The following ATP2A2 variants were observed in gnomAD, a reference collection of about 807,000 sequenced individuals.
ATP2A2 encodes the protein sarcoplasmic/endoplasmic reticulum calcium ATPase 2.
In ATP2A2, 14 loss-of-function variants were observed where a neutral mutation model predicts 109.3. That is an observed-to-expected ratio of 0.13 (90% CI 0.08 to 0.20). The LOEUF (loss-of-function observed/expected upper bound fraction) is 0.20, where lower values mean the gene tolerates loss of function less well. Among genes scored for constraint, ATP2A2 ranks in the 10% least tolerant of loss-of-function variants. The probability of loss-of-function intolerance (pLI) is 1.00; values close to 1 mark genes in which losing one functional copy is unlikely to be tolerated. For missense variants in ATP2A2, 657 were observed against 1,321.6 expected, an observed-to-expected ratio of 0.50 and a Z score of 7.80; for synonymous variants, 506 against 490.9, an observed-to-expected ratio of 1.03 and a Z score of -0.41.
At chr12:110,298,762 A>G (rs1400768983) in intron 5 of ATP2A2, among the ~76,000 whole-genome samples, 5 of 152,150 alleles carry the variant, frequency 3.3e-5, no homozygotes, top group Non-Finnish European at 7.4e-5. Context: ...TTATACTATC[A>G]CAGATGTATT....
chr12:110,333,827 A>G (rs1878572770), intron 10 of ATP2A2, among the ~76,000 whole-genome samples, 185 bp from the exon 11 acceptor site: 1 of 152,232 alleles, frequency 6.6e-6, no homozygotes, highest in South Asian at 2.1e-4. Context: ...ATAAGATCAC[A>G]TGCACACCTG....
chr12:110,331,898 A>T (rs1017345390), intron 8 of ATP2A2: 1 of 152,236 alleles, frequency 6.6e-6, no homozygotes, highest in Non-Finnish European at 1.5e-5. Context: ...AATTATCTTT[A>T]AGAAAATAGC....
At chr12:110,307,969 G>T (rs1875566190) in intron 5 of ATP2A2, among the ~76,000 whole-genome samples, 2 of 152,180 alleles carry the variant, frequency 1.3e-5, no homozygotes, top group Non-Finnish European at 2.9e-5. Context: ...GATATTTACA[G>T]TTTGAGGCCT....
rs1223602568 is a variant in ATP2A2 at position 110,339,732 on chromosome 12, G to T, written c.1761+11G>T. 6.2e-7 allele frequency: 1 copy of T among 1,613,078 alleles called. No individual in the cohort carries two copies. The highest frequency in any genetic ancestry group is 1.7e-5 in the Admixed American group (1 of 60,022). ...TTTATTAAATATGAGGTTAGCTAAT[G>T]AAAAGTTTCTTTGTCCACACCCTGC... is the stretch of plus-strand genomic sequence containing the variant. On this transcript the variant is annotated intron_variant, in intron 13 of 19. Transcript: ENST00000539276. This position sits in a 1 kb window ranked among gnomAD's most constrained non-coding sequence, Gnocchi z 4.4.
chr12:110,337,232 G>C (rs1878918084), intron 11 of ATP2A2, among the ~76,000 whole-genome samples: 1 of 152,162 alleles, frequency 6.6e-6, no homozygotes, highest in Admixed American at 6.5e-5. Context: ...TCCCACTTGA[G>C]ACAGCAGGAA....
Position 110,342,579 on chromosome 12 carries a change from G to C in ATP2A2, c.2318+131G>C. On this transcript the variant is annotated intron_variant, in intron 15 of 19. Coordinates refer to ENST00000539276, the MANE Select transcript of ATP2A2 (RefSeq NM_170665.4). The surrounding 1 kb of genome is among the most constrained non-coding windows in gnomAD (Gnocchi z 4.6). ...TGCCTGAGTTGGAAGAGGGGAGTGGGCAAGACAGAAATGCCTTATGGAAGC... is the reference window on the plus strand; with the variant it reads ...TGCCTGAGTTGGAAGAGGGGAGTGGCCAAGACAGAAATGCCTTATGGAAGC... 9.0e-7 allele frequency: 1 copy of C among 1,111,640 alleles called. No individual in the cohort carries two copies. Among genetic ancestry groups the C allele is most frequent in the East Asian group, 2.6e-5 (1 of 38,840 alleles). 68.9% of individuals were successfully genotyped at this position (1,111,640 alleles called of 1,614,324 possible). A position where few individuals can be genotyped will look rare whatever the true frequency, so the allele number is the denominator to read the frequency against.
intron 8 of ATP2A2, chr12:110,332,327 T>C (rs916662512): frequency 2.2e-6 from 1 of 454,352 alleles, no homozygotes; most frequent in Non-Finnish European, 4.0e-6. Context: ...GTGCCACTGC[T>C]GCTCATTCAT....
Position 110,339,428 on chromosome 12 carries a change from G to A in ATP2A2, c.1542+25G>A, listed in dbSNP as rs374536914. ...GGCAAGTATGGCAGATTGCAATTGA[G>A]ATGTTCTTGCCAGGGTTAAGATCCC... On this transcript the variant is annotated intron_variant, in intron 12 of 19. Coordinates refer to ENST00000539276, the MANE Select transcript of ATP2A2 (RefSeq NM_170665.4). The surrounding 1 kb of genome is among the most constrained non-coding windows in gnomAD (Gnocchi z 4.4). 1 of 1,614,190 alleles carries A rather than the reference G, an allele frequency of 6.2e-7. No individual in the cohort carries two copies. The highest frequency in any genetic ancestry group is 1.1e-5 in the South Asian group (1 of 91,040).
chr12:110,345,092 G>T, intron 17 of ATP2A2, 121 bp downstream of exon 17: 1 of 1,493,582 alleles, frequency 6.7e-7, no homozygotes. Context: ...TTACATCTAA[G>T]ATGATTCTGA....
rs372206452 is a variant in ATP2A2 at position 110,346,509 on chromosome 12, A to G, written c.*39A>G. 2 of 1,612,766 alleles carry G rather than the reference A, an allele frequency of 1.2e-6. No individual in the cohort carries two copies. Among genetic ancestry groups the G allele is most frequent in the Non-Finnish European group, 1.7e-6 (2 of 1,179,456 alleles). On this transcript the variant is annotated 3_prime_UTR_variant, in exon 20 of 20. Transcript: ENST00000539276. The stretch of plus-strand genomic sequence containing the variant: ...ATAAAGAAGATGTTTAACTTAATCA[A>G]TTAATTTTTTTATTGTTTAAAGCAA...
At position 110,282,718 on chromosome 12, in the gene ATP2A2, A is replaced by T. The variant is rs1826756083; in HGVS notation, c.142A>T (p.Thr48Ser). The change falls in exon 3 of 20, where the codon ACC becomes TCC. Residue 48 changes from threonine to serine, a missense_variant. Thr to Ser is a moderately conservative substitution (Grantham distance 58, BLOSUM62 1). This residue lies in a region of ATP2A2 where 64 missense variants were observed against 65.4 expected (regional missense o/e 0.98). Coordinates refer to ENST00000539276, the MANE Select transcript of ATP2A2 (RefSeq NM_170665.4). ...CATGTGTTTGTTTCTTACAGGAAAA[A>T]CCTTGCTGGAACTTGTGATTGAGCA... ...SNELPAEEGK[T>S]LLELVIEQFE... 2.5e-6 allele frequency: 4 copies of T among 1,613,878 alleles called. No homozygotes were observed. The South Asian group carries it at 4.4e-5, about 18-fold the overall frequency.
At chr12:110,331,943 C>T (rs1307771341) in intron 8 of ATP2A2, 1 of 152,174 alleles carries the variant, frequency 6.6e-6, no homozygotes, top group East Asian at 1.9e-4. Flanking sequence ...TAATCCTTTC[C>T]TAAGCATGCT....
chr12:110,343,185 A>G lies in ATP2A2; in HGVS notation c.2319-47A>G, dbSNP rs1343816220. The G allele has an allele frequency of 2.5e-6, 4 of 1,590,900 alleles. No individual in the cohort carries two copies. The Admixed American group carries it at 5.0e-5, about 20-fold the overall frequency. ...TGATGATGCTCTTTAAATAGTGGCC[A>G]GAAGTCATTTGGGCTCTCTTTGTCT... On this transcript the variant is annotated intron_variant, in intron 15 of 19. Transcript: ENST00000539276.
Position 110,346,534 on chromosome 12 carries a change from ACTGT to A in ATP2A2, c.*67_*70del, listed in dbSNP as rs760754542. ...ATTAATTTTTTTATTGTTTAAAGCA[ACTGT>A]CTATTTCTGCTGAATTTTCACATGA... On this transcript the variant is annotated 3_prime_UTR_variant, in exon 20 of 20. Transcript: ENST00000539276. 5.1e-5 allele frequency: 81 copies of A among 1,598,632 alleles called. No homozygotes were observed. Among genetic ancestry groups the A allele is most frequent in the Middle Eastern group, 4.9e-4 (3 of 6,068 alleles).
chr12:110,332,784 G>C (rs1289988107), intron 9 of ATP2A2, 99 bp downstream of exon 9: 18 of 1,094,654 alleles, frequency 1.6e-5, no homozygotes, highest in Non-Finnish European at 2.3e-5. Context: ...CTTTCTGAAT[G>C]TGGCTCAAGT....
chr12:110,295,574 T>C (rs1873880151), intron 4 of ATP2A2, among the ~76,000 whole-genome samples: 1 of 152,334 alleles, frequency 6.6e-6, no homozygotes, highest in East Asian at 1.9e-4. Context: ...ATGTCTGATA[T>C]GAGATTGAAA....
At chr12:110,307,852 C>G (rs1875552079) in intron 5 of ATP2A2, among the ~76,000 whole-genome samples, 1 of 152,168 alleles carries the variant, frequency 6.6e-6, no homozygotes, top group Non-Finnish European at 1.5e-5. Context: ...TTTCGTTTAA[C>G]TAGGTCCCAA....
chr12:110,299,863 A>G, intron 5 of ATP2A2, among the ~76,000 whole-genome samples: 1 of 152,138 alleles, frequency 6.6e-6, no homozygotes, highest in Non-Finnish European at 1.5e-5. Flanking sequence ...GGGCTCAGGC[A>G]GTCCTGCCTC....
Position 110,303,254 on chromosome 12 carries a change from C to T in ATP2A2, c.463+6517C>T, listed in dbSNP as rs1317928741. The stretch of plus-strand genomic sequence containing the variant: ...TATTATAATATTATACAGACAGAGT[C>T]TTGTTCTGTCACCCAGGCTCTAGTG... On this transcript the variant is annotated intron_variant, in intron 5 of 19. Coordinates refer to ENST00000539276, the MANE Select transcript of ATP2A2 (RefSeq NM_170665.4). Among the ~76,000 whole-genome samples the T allele has an allele frequency of 3.3e-5, 5 of 152,128 alleles. No homozygotes were observed. The East Asian group carries it at 9.6e-4, about 29-fold the overall frequency.
Sources: allele counts gnomAD v4.1 joint callset (sites outside exome capture counted in the v4.1 genomes callset), GRCh38; gene constraint gnomAD v4.1.1; regional missense constraint gnomAD v4.1.1; non-coding constraint Gnocchi (gnomAD v3.1); transcripts MANE v1.5; gene names NCBI Gene and HGNC (gene_info 2026-07-23, HGNC 2026-07-21).